Variants in GARIN2 observed in about 807,000 individuals in gnomAD.
GARIN2 encodes the protein golgi associated RAB2 interactor family member 2, also known as Golgi-associated RAB2 interactor protein 2.
the GARIN2 span, chr14:67,201,866 C>T: frequency 7.2e-4 from 125 of 173,234 alleles, 5 homozygotes; most frequent in Admixed American, 3.6e-4. Flanking sequence ...TCCTTCATTT[C>T]CCTGTCTGCC....
chr14:67,213,975 A>G, the GARIN2 span, among the ~76,000 whole-genome samples: 7 of 152,118 alleles, frequency 4.6e-5, no homozygotes, highest in South Asian at 2.1e-4. Flanking sequence ...TTTGAGAAGT[A>G]TCTGTTCATG....
chr14:67,199,409 T>G, the GARIN2 span: 1 of 1,613,874 alleles, frequency 6.2e-7, no homozygotes, highest in Non-Finnish European at 8.5e-7. Context: ...GAAGTTGCTT[T>G]ATGATACTTT....
chr14:67,221,144 T>C, the GARIN2 span, among the ~76,000 whole-genome samples: 1 of 152,220 alleles, frequency 6.6e-6, no homozygotes, highest in African/African-American at 2.4e-5. Flanking sequence ...AATAAGCTTC[T>C]TTATCCAAAG....
the GARIN2 span, chr14:67,203,040 T>C: frequency 5.1e-6 from 8 of 1,565,186 alleles, no homozygotes; most frequent in Admixed American, 5.5e-5. Flanking sequence ...CAAGCAAGGT[T>C]GTCAAAGCCA....
At chr14:67,215,467 C>A in the GARIN2 span, among the ~76,000 whole-genome samples, 1 of 150,792 alleles carries the variant, frequency 6.6e-6, no homozygotes, top group Admixed American at 6.6e-5. Flanking sequence ...GACAGAAGGG[C>A]AACTTGTAAG....
the GARIN2 span, chr14:67,203,049 C>T: frequency 5.7e-6 from 9 of 1,581,056 alleles, no homozygotes; most frequent in African/African-American, 1.1e-4. Context: ...TTGTCAAAGC[C>T]ACACATTTCA....
chr14:67,216,506 A>G, the GARIN2 span, among the ~76,000 whole-genome samples: 7 of 151,938 alleles, frequency 4.6e-5, no homozygotes, highest in African/African-American at 1.7e-4. Flanking sequence ...TTTATTTGAC[A>G]TCTTTCTAGT....
chr14:67,200,317 T>C, the GARIN2 span: 1 of 659,864 alleles, frequency 1.5e-6, no homozygotes, highest in Non-Finnish European at 2.7e-6. Context: ...TGGAGCCCTC[T>C]CCCTCAGTAA....
At chr14:67,203,525 G>A in the GARIN2 span, among the ~76,000 whole-genome samples, 1 of 152,206 alleles carries the variant, frequency 6.6e-6, no homozygotes, top group Admixed American at 6.5e-5. Flanking sequence ...AGGAACTGAA[G>A]ACTCATAATA....
At chr14:67,209,326 AGT>A in the GARIN2 span, among the ~76,000 whole-genome samples, 1 of 152,140 alleles carries the variant, frequency 6.6e-6, no homozygotes, top group Non-Finnish European at 1.5e-5. Flanking sequence ...GAGAATAGAG[AGT>A]GAGAGTAATT....
chr14:67,203,176 A>G, the GARIN2 span: 1 of 1,614,000 alleles, frequency 6.2e-7, no homozygotes, highest in Non-Finnish European at 8.5e-7. Flanking sequence ...AGCTCCACCC[A>G]CAAGATCCCC....
the GARIN2 span, chr14:67,199,136 T>A: frequency 2.7e-6 from 4 of 1,478,384 alleles, no homozygotes; most frequent in Non-Finnish European, 3.8e-6. Context: ...AGAAGGTTAG[T>A]GAACCGCTAC....
chr14:67,201,674 G>A, the GARIN2 span: 1 of 382,052 alleles, frequency 2.6e-6, no homozygotes, highest in Admixed American at 3.0e-5. Context: ...CCTGAGCTGG[G>A]TCATCATCCC....
At chr14:67,196,016 C>A in the GARIN2 span, among the ~76,000 whole-genome samples, 1 of 152,206 alleles carries the variant, frequency 6.6e-6, no homozygotes, top group Non-Finnish European at 1.5e-5. Context: ...GAACTCCTGA[C>A]CTCAGGTGAT....
At chr14:67,194,881 C>T in the GARIN2 span, among the ~76,000 whole-genome samples, 5 of 152,302 alleles carry the variant, frequency 3.3e-5, no homozygotes, top group East Asian at 7.7e-4. Flanking sequence ...TGATCTTGAA[C>T]TCCTGACCTA....
the GARIN2 span, among the ~76,000 whole-genome samples, chr14:67,207,279 G>A: frequency 6.6e-6 from 1 of 152,192 alleles, no homozygotes; most frequent in African/African-American, 2.4e-5. Context: ...GGGCCTCAGG[G>A]AACTTACAAT....
the GARIN2 span, chr14:67,201,495 C>A: frequency 2.2e-6 from 1 of 456,032 alleles, no homozygotes; most frequent in African/African-American, 2.0e-5. Flanking sequence ...AGAAGATATT[C>A]ATCTCATCCT....
At chr14:67,198,689 A>G in the GARIN2 span, among the ~76,000 whole-genome samples, 3 of 152,234 alleles carry the variant, frequency 2.0e-5, no homozygotes, top group Admixed American at 2.0e-4. Flanking sequence ...AGGGATTACA[A>G]TGAATCTTAA....
chr14:67,195,138 A>G, the GARIN2 span, among the ~76,000 whole-genome samples: 1 of 152,382 alleles, frequency 6.6e-6, no homozygotes, highest in South Asian at 2.1e-4. Flanking sequence ...ATAATCCAAA[A>G]GTGTAAAAAT....
Sources: allele counts gnomAD v4.1 joint callset (sites outside exome capture counted in the v4.1 genomes callset), GRCh38; gene constraint gnomAD v4.1.1; transcripts MANE v1.5; gene names NCBI Gene and HGNC (gene_info 2026-07-23, HGNC 2026-07-21).